Variants in TECPR2 observed in about 807,000 individuals in gnomAD.
TECPR2 encodes the protein tectonin beta-propeller repeat containing 2.
TECPR2 carries 65 observed loss-of-function variants against 138.1 expected under a neutral mutation model. The observed-to-expected ratio is 0.47, with a 90% CI of 0.39 to 0.58. The LOEUF is 0.58. Ranked by LOEUF, TECPR2 falls within the 20% of genes least tolerant of loss-of-function variation. TECPR2 has a pLI of 0.00. For synonymous variants in TECPR2, 746 were observed against 749.8 expected, an observed-to-expected ratio of 0.99 and a Z score of 0.08; for missense variants, 1,553 against 1,824.5, an observed-to-expected ratio of 0.85 and a Z score of 2.71.
chr14:102,484,745 C>G (rs1595147952), intron 17 of TECPR2, among the ~76,000 whole-genome samples: 1 of 152,006 alleles, frequency 6.6e-6, no homozygotes, highest in Admixed American at 6.6e-5. Context: ...TGCAGCCTCC[C>G]CCTCCTGTGT....
At chr14:102,484,294 G>C (rs1183167057) in intron 17 of TECPR2, among the ~76,000 whole-genome samples, 1 of 152,176 alleles carries the variant, frequency 6.6e-6, no homozygotes, top group Non-Finnish European at 1.5e-5. Context: ...TGGCTGTAGA[G>C]TCAGTCTTCT....
At position 102,419,435 on chromosome 14, in the gene TECPR2, G is replaced by A. The variant is rs1266012624; in HGVS notation, c.638+4642G>A. On this transcript the variant is annotated intron_variant, in intron 5 of 19. Coordinates refer to ENST00000359520, the MANE Select transcript of TECPR2 (RefSeq NM_014844.5). This position sits in a 1 kb window ranked among gnomAD's most constrained non-coding sequence, Gnocchi z 4.8. ...TGGTGGGAGTTTTGGGAGAGGGGCCGTGTGGCAGCACATTGGTGTGTGACG... is the reference window on the plus strand; with the variant it reads ...TGGTGGGAGTTTTGGGAGAGGGGCCATGTGGCAGCACATTGGTGTGTGACG... Among the ~76,000 whole-genome samples the A allele has an allele frequency of 2.6e-5, 4 of 152,156 alleles. No individual in the cohort carries two copies. The highest frequency in any genetic ancestry group is 4.4e-5 in the Non-Finnish European group (3 of 68,032).
intron 2 of TECPR2, among the ~76,000 whole-genome samples, chr14:102,404,530 C>T (rs973096782): frequency 1.1e-4 from 17 of 150,992 alleles, no homozygotes; most frequent in Non-Finnish European, 1.9e-4. Context: ...ACATAGAGAC[C>T]GATGAAATCA....
chr14:102,411,686 C>T (rs1337235599), intron 4 of TECPR2, among the ~76,000 whole-genome samples: 1 of 53,944 alleles, frequency 1.9e-5, no homozygotes, highest in African/African-American at 8.7e-5. Flanking sequence ...GTGAAATAAA[C>T]AGCCATGTTG....
intron 4 of TECPR2, among the ~76,000 whole-genome samples, chr14:102,410,482 T>TAAAAAAA (rs1184159632): frequency 1.6e-5 from 1 of 62,648 alleles, no homozygotes; most frequent in Non-Finnish European, 3.8e-5. Context: ...AAAAAAAAAA[T>TAAAAAAA]AAAAAATAAA....
intron 17 of TECPR2, among the ~76,000 whole-genome samples, chr14:102,476,503 G>C (rs1890767234): frequency 6.6e-6 from 1 of 152,140 alleles, no homozygotes; most frequent in Non-Finnish European, 1.5e-5. Flanking sequence ...GAAAAGACTA[G>C]TGAGCTTGAA....
chr14:102,487,758 G>A (rs1293310507), intron 17 of TECPR2, among the ~76,000 whole-genome samples: 3 of 151,358 alleles, frequency 2.0e-5, no homozygotes, highest in Non-Finnish European at 2.9e-5. Flanking sequence ...AGCCAGGATG[G>A]TCTCAATCTC....
intron 11 of TECPR2, among the ~76,000 whole-genome samples, chr14:102,440,844 G>A (rs1456883359): frequency 6.6e-6 from 1 of 152,208 alleles, no homozygotes; most frequent in Non-Finnish European, 1.5e-5. Flanking sequence ...GGATTATTTG[G>A]TGAGATACAG....
At chr14:102,435,315 C>A in intron 9 of TECPR2, 104 bp downstream of exon 9, 1 of 1,463,252 alleles carries the variant, frequency 6.8e-7, no homozygotes. Flanking sequence ...AATTCTATTC[C>A]TACTGCAAAA....
At chr14:102,431,382 G>A (rs1595121326) in intron 7 of TECPR2, among the ~76,000 whole-genome samples, 1 of 114,814 alleles carries the variant, frequency 8.7e-6, no homozygotes, top group African/African-American at 3.3e-5. Flanking sequence ...TCACTGTGTT[G>A]CCCAGGCTGG....
chr14:102,372,573 G>A (rs1265736137), intron 1 of TECPR2, among the ~76,000 whole-genome samples: 2 of 152,230 alleles, frequency 1.3e-5, no homozygotes, highest in Non-Finnish European at 2.9e-5. Flanking sequence ...AGCCTTCTTT[G>A]TGCTTTTCTA....
At chr14:102,398,069 T>A (rs1888364780) in intron 2 of TECPR2, among the ~76,000 whole-genome samples, 1 of 104,430 alleles carries the variant, frequency 9.6e-6, no homozygotes, top group Non-Finnish European at 1.8e-5. Flanking sequence ...ACAGATTCTG[T>A]CTCAAAAAAA....
chr14:102,385,788 T>C (rs530387341), intron 2 of TECPR2, among the ~76,000 whole-genome samples: 4 of 151,706 alleles, frequency 2.6e-5, no homozygotes, highest in Non-Finnish European at 5.9e-5. Context: ...ATACAAAAAT[T>C]ATTCAGGCGT....
intron 5 of TECPR2, among the ~76,000 whole-genome samples, chr14:102,422,124 A>G (rs1231103426): frequency 6.6e-6 from 1 of 152,114 alleles, no homozygotes; most frequent in East Asian, 1.9e-4. Context: ...CAGCCCACCA[A>G]CTGCATCCTG....
chr14:102,422,789 G>T (rs1889219357), intron 5 of TECPR2, among the ~76,000 whole-genome samples: 1 of 152,186 alleles, frequency 6.6e-6, no homozygotes, highest in East Asian at 1.9e-4. Flanking sequence ...CCTAAGTTTG[G>T]GGATGGGTTC....
chr14:102,389,180 G>A lies in TECPR2; in HGVS notation c.219+12240G>A, dbSNP rs1242835159. Among the ~76,000 whole-genome samples the A allele has an allele frequency of 3.3e-5, 5 of 151,300 alleles. No individual in the cohort carries two copies. In the East Asian group the frequency reaches 5.8e-4, roughly 18 times the overall value. On this transcript the variant is annotated intron_variant, in intron 2 of 19. Transcript: ENST00000359520. ...ATAAATAATAAAAATACAAAAATTA[G>A]CCAGGTGTGGTGGCACACACCTGTA...
intron 18 of TECPR2, 152 bp downstream of exon 18, chr14:102,497,272 C>A: frequency 7.4e-7 from 1 of 1,347,618 alleles, no homozygotes; most frequent in East Asian, 2.5e-5. Flanking sequence ...GGGGACAAGC[C>A]TCCCATCATG....
chr14:102,413,389 A>T (rs7149614), intron 4 of TECPR2, among the ~76,000 whole-genome samples: 46,969 of 148,370 alleles, frequency 0.32, 7,585 homozygotes, highest in Middle Eastern at 0.42. Context: ...ATATATATAT[A>T]TATTTTTTGA....
At chr14:102,437,188 A>T (rs536336184) in intron 9 of TECPR2, 806 of 984,896 alleles carry the variant, frequency 8.2e-4, no homozygotes, top group Non-Finnish European at 9.5e-4. Context: ...AAATACATTT[A>T]TCTTCTTTGC....
Sources: allele counts gnomAD v4.1 joint callset (sites outside exome capture counted in the v4.1 genomes callset), GRCh38; gene constraint gnomAD v4.1.1; non-coding constraint Gnocchi (gnomAD v3.1); transcripts MANE v1.5; gene names NCBI Gene and HGNC (gene_info 2026-07-23, HGNC 2026-07-21).